Variants in KLF7 observed in about 807,000 individuals in gnomAD.
KLF7 encodes Krueppel-like factor 7.
KLF7 carries 2 observed loss-of-function variants against 27.3 expected under a neutral mutation model. The observed-to-expected ratio is 0.07, with a 90% CI of 0.03 to 0.23. KLF7 has a LOEUF of 0.23. KLF7 is among the 10% of genes least tolerant of loss of function. The pLI, the probability that KLF7 is intolerant of heterozygous loss-of-function variation, is 1.00. For synonymous variants in KLF7, 165 were observed against 162.4 expected, an observed-to-expected ratio of 1.02 and a Z score of -0.12; for missense variants, 221 against 394.1, an observed-to-expected ratio of 0.56 and a Z score of 3.72.
intron 1 of KLF7, among the ~76,000 whole-genome samples, chr2:207,131,558 TCTAA>T (rs1455726549): frequency 6.6e-6 from 1 of 152,228 alleles, no homozygotes; most frequent in Non-Finnish European, 1.5e-5. Flanking sequence ...CTCATTCTTT[TCTAA>T]CTTACTAGAC....
At chr2:207,144,167 AG>A (rs199882270) in intron 1 of KLF7, among the ~76,000 whole-genome samples, 6,180 of 89,300 alleles carry the variant, frequency 0.069, 442 homozygotes, top group African/African-American at 0.19. Context: ...AGCGGGGGGG[AG>A]AAAAAAAAAA....
At position 207,121,210 on chromosome 2, in the gene KLF7, T is replaced by A. The variant is rs556135572; in HGVS notation, c.733+2564A>T. On this transcript the variant is annotated intron_variant, in intron 2 of 3. Transcript: ENST00000309446. ...CCACAACTTGTATCCACAGGTGTCA[T>A]CACCCCACATCCCATTGATCAACCA... Among the ~76,000 whole-genome samples, 13 of 152,346 alleles carry A rather than the reference T, an allele frequency of 8.5e-5. No individual in the cohort carries two copies. In the East Asian group the frequency reaches 2.5e-3, roughly 29 times the overall value.
At chr2:207,093,482 G>A (rs558105244) in intron 2 of KLF7, among the ~76,000 whole-genome samples, 30 of 152,074 alleles carry the variant, frequency 2.0e-4, no homozygotes, top group Admixed American at 3.3e-4. Context: ...ACTTCATTCC[G>A]GTCTCTGCCT....
intron 1 of KLF7, among the ~76,000 whole-genome samples, chr2:207,159,775 A>G (rs2078488719): frequency 6.6e-6 from 1 of 152,200 alleles, no homozygotes; most frequent in African/African-American, 2.4e-5. Flanking sequence ...GCAAACGCTC[A>G]GCTGTAACAT....
At chr2:207,129,200 A>G (rs2106008092) in intron 1 of KLF7, among the ~76,000 whole-genome samples, 1 of 152,366 alleles carries the variant, frequency 6.6e-6, no homozygotes, top group East Asian at 1.9e-4. Flanking sequence ...TTTTTCCACT[A>G]GAACCAGAGA....
intron 2 of KLF7, among the ~76,000 whole-genome samples, chr2:207,098,677 AGTGCAGGG>A (rs768251583): frequency 6.6e-6 from 1 of 151,248 alleles, no homozygotes; most frequent in African/African-American, 2.4e-5. Flanking sequence ...CCCAGACTGG[AGTGCAGGG>A]GTGCAATCAC....
intron 1 of KLF7, among the ~76,000 whole-genome samples, chr2:207,152,462 G>A (rs1327248704): frequency 6.6e-6 from 1 of 152,200 alleles, no homozygotes; most frequent in Admixed American, 6.5e-5. Context: ...CCAAGAGGCT[G>A]CATGCTCAGG....
intron 1 of KLF7, among the ~76,000 whole-genome samples, chr2:207,156,780 C>T (rs951058990): frequency 1.3e-5 from 2 of 152,200 alleles, no homozygotes; most frequent in African/African-American, 2.4e-5. Context: ...AGCACATCCA[C>T]CAGCATGATC....
chr2:207,148,167 G>A (rs1005491861), intron 1 of KLF7, among the ~76,000 whole-genome samples: 1 of 152,194 alleles, frequency 6.6e-6, no homozygotes, highest in African/African-American at 2.4e-5. Flanking sequence ...AAATCCAGCT[G>A]CATACTCAAG....
chr2:207,114,233 G>A (rs1408962365), intron 2 of KLF7, among the ~76,000 whole-genome samples: 1 of 152,176 alleles, frequency 6.6e-6, no homozygotes, highest in Non-Finnish European at 1.5e-5. Context: ...AAGGAAGGAA[G>A]ATGTATCTTT....
chr2:207,081,131 C>T lies in KLF7; in HGVS notation c.*82G>A. On this transcript the variant is annotated 3_prime_UTR_variant, in exon 4 of 4. Transcript: ENST00000309446. ...CTTTCTTCTGCGAGGCAATGGGTCC[C>T]CGCCTGAAGTCCAGCCCCCTGCCTC... is the stretch of plus-strand genomic sequence containing the variant. 1 of 1,222,120 alleles carries T rather than the reference C, an allele frequency of 8.2e-7. No individual in the cohort carries two copies. The highest frequency in any genetic ancestry group is 1.2e-6 in the Non-Finnish European group (1 of 823,808). The allele number at this position is 1,222,120 out of a possible 1,614,324, so 75.7% of individuals were successfully genotyped here. A position where few individuals can be genotyped will look rare whatever the true frequency, so the allele number is the denominator to read the frequency against.
chr2:207,150,634 T>A lies in KLF7; in HGVS notation c.102+14833A>T, dbSNP rs189060254. 6.1e-3 allele frequency among the ~76,000 whole-genome samples: 929 copies of A among 152,286 alleles called. 7 individuals carry two copies. Among genetic ancestry groups the A allele is most frequent in the Admixed American group, 0.01 (160 of 15,304 alleles). On this transcript the variant is annotated intron_variant, in intron 1 of 3. Transcript: ENST00000309446. Reference sequence around the variant, plus strand: ...CTGCACTTCATATGGGAAATATAATTTAATAATTTGCTTTGTTTTATACTG... The same window carrying A: ...CTGCACTTCATATGGGAAATATAATATAATAATTTGCTTTGTTTTATACTG...
chr2:207,098,406 T>C (rs2076680486), intron 2 of KLF7, among the ~76,000 whole-genome samples: 1 of 152,212 alleles, frequency 6.6e-6, no homozygotes, highest in African/African-American at 2.4e-5. Context: ...AACTCATTTG[T>C]AGAACATTTT....
the KLF7 span, chr2:207,173,577 C>T: frequency 6.6e-6 from 1 of 152,070 alleles, no homozygotes; most frequent in East Asian, 1.9e-4. Flanking sequence ...AATCTTGCCA[C>T]TAGCTTTTAG....
chr2:207,118,902 T>G (rs1158035718), intron 2 of KLF7, among the ~76,000 whole-genome samples: 1 of 152,244 alleles, frequency 6.6e-6, no homozygotes, highest in Non-Finnish European at 1.5e-5. Context: ...TTGTAGTATT[T>G]TTAGCCACCT....
chr2:207,123,753 G>GCGGC, intron 2 of KLF7, 21 bp downstream of exon 2: 1 of 1,596,268 alleles, frequency 6.3e-7, no homozygotes, highest in Non-Finnish European at 8.5e-7. Context: ...GAAACCACGT[G>GCGGC]CGGCCAACTT....
At chr2:207,166,815 G>C (rs1055553457), upstream of KLF7, 5 of 1,012,148 alleles carry the variant, frequency 4.9e-6, no homozygotes, top group Non-Finnish European at 5.9e-6. Context: ...CGGGCTGCCA[G>C]GGTGCAGAGA....
At position 207,078,328 on chromosome 2, in the gene KLF7, C is replaced by G. The variant is rs1308157787; in HGVS notation, c.*2885G>C. ...AGGTCAGGAGCAGATTACAAAGGACCTCACTGATACAAAAGAGAGAGAAAT... is the reference window on the plus strand; with the variant it reads ...AGGTCAGGAGCAGATTACAAAGGACGTCACTGATACAAAAGAGAGAGAAAT... On this transcript the variant is annotated 3_prime_UTR_variant, in exon 4 of 4. Transcript: ENST00000309446. The G allele has an allele frequency of 6.6e-6, 1 of 152,132 alleles. No homozygotes were observed. Among genetic ancestry groups the G allele is most frequent in the Non-Finnish European group, 1.5e-5 (1 of 68,032 alleles). 9.4% of individuals were successfully genotyped at this position (152,132 alleles called of 1,614,324 possible).
intron 1 of KLF7, among the ~76,000 whole-genome samples, chr2:207,127,988 C>A (rs2077527299): frequency 6.6e-6 from 1 of 152,096 alleles, no homozygotes; most frequent in Admixed American, 6.5e-5. Flanking sequence ...CTAACTCCAT[C>A]CACTGAAAGA....
Sources: gnomAD v4.1 joint callset for allele counts (sites outside exome capture counted in the v4.1 genomes callset) on GRCh38, gnomAD v4.1.1 for gene constraint, MANE v1.5 for transcripts, NCBI Gene and HGNC (gene_info 2026-07-23, HGNC 2026-07-21) for gene names.